The following HLTF variants were observed in gnomAD, a reference collection of about 807,000 sequenced individuals.
HLTF encodes the protein helicase like transcription factor, also known as DNA-dependent ATPase/E3 ubiquitin-protein ligase HLTF.
Under a neutral mutation model 129.4 loss-of-function variants are expected in HLTF, and 127 were observed. The observed-to-expected ratio is 0.98, with a 90% confidence interval of 0.85 to 1.14. The LOEUF (loss-of-function observed/expected upper bound fraction) is 1.14. Among genes scored for constraint, HLTF ranks in the 50% most tolerant of loss-of-function variants. HLTF has a pLI of 0.00. For missense variants in HLTF, 1,139 were observed against 1,187.1 expected (o/e 0.96, Z 0.60); for synonymous variants, 332 against 388.8 (o/e 0.85, Z 1.72).
intron 2 of HLTF, among the ~76,000 whole-genome samples, chr3:149,076,337 A>C (rs1336894205): frequency 6.6e-6 from 1 of 152,216 alleles, no homozygotes; most frequent in Non-Finnish European, 1.5e-5. Flanking sequence ...TCAACATCAT[A>C]ACTTCTGAAA....
intron 8 of HLTF, among the ~76,000 whole-genome samples, chr3:149,067,922 T>C (rs1718535925): frequency 6.6e-6 from 1 of 152,146 alleles, no homozygotes; most frequent in Non-Finnish European, 1.5e-5. Context: ...GGCAGGTAGA[T>C]GGCTTGAGCT....
At position 149,055,338 on chromosome 3, in the gene HLTF, T is replaced by C; in HGVS notation, c.1438A>G (p.Ile480Val). Residue 480 changes from isoleucine to valine, a missense_variant, in exon 14 of 25, where the codon ATC (isoleucine) becomes GTC (valine). Ile to Val is a conservative substitution (Grantham distance 29). Coordinates refer to ENST00000310053, the MANE Select transcript of HLTF (RefSeq NM_003071.4). ...CTTAACACAGAAAGCGGACAGATGA[T>C]CAGTGTTGTTCTTGGTCTCTCCTCA... ...DVEERPRTTL[I>V]ICPLSVLSNW... 6.2e-7 allele frequency: 1 copy of C among 1,613,900 alleles called. No homozygotes were observed. The highest frequency in any genetic ancestry group is 8.5e-7 in the Non-Finnish European group (1 of 1,179,814).
chr3:149,058,327 C>T (rs561755263), intron 13 of HLTF, among the ~76,000 whole-genome samples: 6 of 152,136 alleles, frequency 3.9e-5, no homozygotes, highest in African/African-American at 1.4e-4. Context: ...CAAAGTGCTG[C>T]AATTTCAGGC....
Position 149,042,246 on chromosome 3 carries a change from A to G in HLTF, c.2117T>C (p.Leu706Pro). Residue 706 changes from leucine to proline, a missense_variant, in exon 19 of 25, where the codon CTG (leucine) becomes CCG (proline). By Grantham distance (98) the Leu-to-Pro change is moderately conservative (BLOSUM62 -3). Transcript: ENST00000310053. ...TTGCCGCAGTCTAAGCAAAAGACCCAGGACATCTGCATAATGTGCCAGGAC... is the reference window on the plus strand; with the variant it reads ...TTGCCGCAGTCTAAGCAAAAGACCCGGGACATCTGCATAATGTGCCAGGAC... ...GTVLAHYADV[L>P]GLLLRLRQIC... 6.2e-7 allele frequency: 1 copy of G among 1,612,928 alleles called. No homozygotes were observed. The highest frequency in any genetic ancestry group is 1.7e-5 in the Admixed American group (1 of 60,004).
intron 23 of HLTF, among the ~76,000 whole-genome samples, chr3:149,036,088 T>C (rs1006381526): frequency 1.4e-4 from 21 of 150,684 alleles, no homozygotes; most frequent in African/African-American, 5.1e-4. Flanking sequence ...TGAGCCGAGA[T>C]CGCGCCACTG....
At chr3:149,079,307 C>T (rs1189344532) in intron 2 of HLTF, among the ~76,000 whole-genome samples, 2 of 132,350 alleles carry the variant, frequency 1.5e-5, no homozygotes, top group African/African-American at 5.7e-5. Context: ...CACACCTGGT[C>T]ACATCATAAT....
At chr3:149,073,142 T>C in intron 5 of HLTF, 83 bp downstream of exon 5, 1 of 773,216 alleles carries the variant, frequency 1.3e-6, no homozygotes, top group East Asian at 2.6e-5. Context: ...TACCCACACG[T>C]ACATATTCAT....
rs983187075 is a variant in HLTF, at chr3:149,032,282, G to T, written c.2968C>A (p.Pro990Thr). ...GCTTGTTTCATTTCGTCAGCATTTGGTTTTTTAGTTCCAAAGGCTCCTGCT... is the reference window on the plus strand; with the variant it reads ...GCTTGTTTCATTTCGTCAGCATTTGTTTTTTTAGTTCCAAAGGCTCCTGCT... Reference protein sequence around the residue: ...LAAGAFGTKKPNADEMKQAKI... With the variant: ...LAAGAFGTKKTNADEMKQAKI... The change falls in exon 25 of 25, where the codon CCA (proline) becomes ACA (threonine). Residue 990 changes from proline to threonine, a missense_variant. Transcript: ENST00000310053. The T allele has an allele frequency of 1.9e-6, 3 of 1,597,746 alleles. No homozygotes were observed. Among genetic ancestry groups the T allele is most frequent in the East Asian group, 2.3e-5 (1 of 43,972 alleles).
intron 23 of HLTF, among the ~76,000 whole-genome samples, chr3:149,037,132 GCAAA>G (rs1715705492): frequency 6.6e-6 from 1 of 152,050 alleles, no homozygotes; most frequent in African/African-American, 2.4e-5. Flanking sequence ...ATAAAATACT[GCAAA>G]CAAAGATTTC....
rs1339727875 is a variant in HLTF, at chr3:149,041,627, T to C, written c.2239A>G (p.Lys747Glu). 1 of 1,612,764 alleles carries C rather than the reference T, an allele frequency of 6.2e-7. No individual in the cohort carries two copies. Among genetic ancestry groups the C allele is most frequent in the Non-Finnish European group, 8.5e-7 (1 of 1,179,056 alleles). The part of the protein sequence containing the change: ...PEELRKKLIR[K>E]MKLILSSGSD... Reference sequence around the variant, plus strand: ...CCTGAGCTCAGAATTAACTTCATCTTCCTTATTAACTTCTTTCTCAGTTCT... The same window carrying C: ...CCTGAGCTCAGAATTAACTTCATCTCCCTTATTAACTTCTTTCTCAGTTCT... The change falls in exon 20 of 25, where the codon AAG becomes GAG. Residue 747 changes from lysine (K) to glutamate (E), a missense_variant. Coordinates refer to ENST00000310053, the MANE Select transcript of HLTF (RefSeq NM_003071.4).
At chr3:149,078,582 G>C (rs1239635478) in intron 2 of HLTF, among the ~76,000 whole-genome samples, 1 of 151,954 alleles carries the variant, frequency 6.6e-6, no homozygotes, top group Admixed American at 6.6e-5. Context: ...ACCTGGCCGG[G>C]CACAGTGGCT....
chr3:149,074,324 A>C lies in HLTF; in HGVS notation c.420T>G (p.Asn140Lys). 6.2e-7 allele frequency: 1 copy of C among 1,612,958 alleles called. No individual in the cohort carries two copies. The highest frequency in any genetic ancestry group is 8.5e-7 in the Non-Finnish European group (1 of 1,179,536). The change falls in exon 4 of 25, where the codon AAT becomes AAG. Residue 140 changes from asparagine (N) to lysine (K), a missense_variant. By Grantham distance (94) the Asn-to-Lys change is moderately conservative. Transcript: ENST00000310053. ...IEGVVPFGAN[N>K]AFTMPLHMTF... Reference sequence around the variant, plus strand: ...TCATATGCAGAGGCATGGTAAAAGCATTGTTTGCACCAAAAGGAACTACCC... The same window carrying C: ...TCATATGCAGAGGCATGGTAAAAGCCTTGTTTGCACCAAAAGGAACTACCC...
At chr3:149,055,247 T>A in intron 14 of HLTF, 56 bp downstream of exon 14, 1 of 1,250,258 alleles carries the variant, frequency 8.0e-7, no homozygotes, top group Non-Finnish European at 1.2e-6. Flanking sequence ...GAATACTTTC[T>A]ACCTTGTAGA....
intron 3 of HLTF, among the ~76,000 whole-genome samples, chr3:149,074,823 AC>A (rs1200443285): frequency 6.6e-6 from 1 of 152,168 alleles, no homozygotes; most frequent in African/African-American, 2.4e-5. Flanking sequence ...CTTCAAACTC[AC>A]CTAGGATTAT....
chr3:149,040,204 AT>A, intron 20 of HLTF, 48 bp from the exon 21 acceptor site: 4 of 1,543,204 alleles, frequency 2.6e-6, no homozygotes, highest in Non-Finnish European at 3.5e-6. Context: ...AGAAGAACAA[AT>A]ATAAATATGC....
rs753382705 is a variant in HLTF, at chr3:149,046,139, T to TGA, written c.2011_2012dup (p.Asp672GlnfsTer11). The TGA allele has an allele frequency of 6.2e-7, 1 of 1,611,488 alleles. No homozygotes were observed. The highest frequency in any genetic ancestry group is 1.7e-5 in the Admixed American group (1 of 59,694). ...ACTGATAAATCTTTCTCTCTTCATC[T>TGA]GAAAGTGTAATGTGCTGAATAAATA... is the stretch of plus-strand genomic sequence containing the variant. On this transcript the variant is annotated frameshift_variant, in exon 18 of 25. Coordinates refer to ENST00000310053, the MANE Select transcript of HLTF (RefSeq NM_003071.4). LOFTEE classifies it high-confidence loss of function.
intron 20 of HLTF, among the ~76,000 whole-genome samples, chr3:149,040,603 G>A (rs1242810246): frequency 6.6e-6 from 1 of 151,942 alleles, no homozygotes; most frequent in Non-Finnish European, 1.5e-5. Context: ...ATCCTATCAA[G>A]TTCATTCCAA....
chr3:149,081,351 C>T (rs371572759), intron 2 of HLTF, among the ~76,000 whole-genome samples: 41 of 150,120 alleles, frequency 2.7e-4, no homozygotes, highest in African/African-American at 8.5e-4. Flanking sequence ...CATAACAAAA[C>T]GTGGTGGCTA....
intron 3 of HLTF, among the ~76,000 whole-genome samples, chr3:149,075,276 C>T (rs1282971053): frequency 3.3e-5 from 5 of 152,138 alleles, no homozygotes; most frequent in Non-Finnish European, 5.9e-5. Context: ...AGGCTGGGCA[C>T]GGTGGCTCAC....
Sources: gnomAD v4.1 joint callset for allele counts (sites outside exome capture counted in the v4.1 genomes callset) on GRCh38, gnomAD v4.1.1 for gene constraint, MANE v1.5 for transcripts, NCBI Gene and HGNC (gene_info 2026-07-23, HGNC 2026-07-21) for gene names.